Variants in SNX29 observed in about 807,000 individuals in gnomAD.
The protein encoded by SNX29 is sorting nexin 29, also known as sorting nexin-29.
Under a neutral mutation model 102.1 loss-of-function variants are expected in SNX29, and 78 were observed. That is an observed-to-expected ratio of 0.76 (90% CI 0.64 to 0.92). The LOEUF (loss-of-function observed/expected upper bound fraction) is 0.92, where lower values mean the gene tolerates loss of function less well. SNX29 is among the 40% of genes least tolerant of loss of function. SNX29 has a pLI of 0.00. For missense variants in SNX29, 1,280 were observed against 1,061.7 expected (o/e 1.21, Z -2.86); for synonymous variants, 580 against 414.5 (o/e 1.40, Z -4.85).
chr16:12,490,053 A>G (rs1597584837), intron 19 of SNX29, among the ~76,000 whole-genome samples: 1 of 152,042 alleles, frequency 6.6e-6, no homozygotes, highest in Non-Finnish European at 1.5e-5. Context: ...TGATCTGCCC[A>G]CCTCAGCCTC....
intron 14 of SNX29, among the ~76,000 whole-genome samples, chr16:12,239,088 T>G (rs566474715): frequency 5.9e-5 from 9 of 152,302 alleles, no homozygotes; most frequent in African/African-American, 1.9e-4. Flanking sequence ...GGCACCACTT[T>G]GATGGAAGGG....
chr16:12,441,270 G>T (rs11866229), intron 18 of SNX29, among the ~76,000 whole-genome samples: 58,646 of 151,142 alleles, frequency 0.39, 11,435 homozygotes, highest in South Asian at 0.47. Context: ...TTTTATTTTT[G>T]GTAGAGACGG....
At chr16:12,274,666 A>T (rs758446590) in intron 14 of SNX29, among the ~76,000 whole-genome samples, 1 of 151,492 alleles carries the variant, frequency 6.6e-6, no homozygotes. Flanking sequence ...CCTCCCGAGT[A>T]CCTGGGACTA....
At chr16:12,537,980 G>A (rs28644492) in intron 20 of SNX29, among the ~76,000 whole-genome samples, 5,914 of 82,966 alleles carry the variant, frequency 0.071, 382 homozygotes, top group African/African-American at 0.3. Flanking sequence ...GCAAAACTCC[G>A]TTTCAAAAAA....
chr16:12,524,633 G>C, intron 19 of SNX29, 69 bp from the exon 20 acceptor site: 1 of 1,555,138 alleles, frequency 6.4e-7, no homozygotes, highest in South Asian at 1.2e-5. Context: ...GTGATCGCCT[G>C]TTCTATAGGG....
intron 13 of SNX29, among the ~76,000 whole-genome samples, chr16:12,134,783 T>C (rs1041207897): frequency 9.2e-5 from 14 of 152,208 alleles, no homozygotes; most frequent in African/African-American, 3.4e-4. Flanking sequence ...AGGTATCTGC[T>C]TCCTCCTGGG....
intron 8 of SNX29, among the ~76,000 whole-genome samples, chr16:12,057,993 A>C (rs1241726745): frequency 6.6e-6 from 1 of 151,524 alleles, no homozygotes; most frequent in Non-Finnish European, 1.5e-5. Flanking sequence ...AATTTTTTGT[A>C]TTTTTAGTAG....
At chr16:12,328,377 A>G (rs1026245547) in intron 15 of SNX29, among the ~76,000 whole-genome samples, 1 of 152,240 alleles carries the variant, frequency 6.6e-6, no homozygotes, top group African/African-American at 2.4e-5. Flanking sequence ...AGAAGTAAAG[A>G]AAATTCTTCT....
chr16:12,554,494 A>C (rs1262937179), intron 20 of SNX29, among the ~76,000 whole-genome samples: 1 of 152,192 alleles, frequency 6.6e-6, no homozygotes, highest in East Asian at 1.9e-4. Flanking sequence ...GTGGTTTCCA[A>C]GCTTCCTCCG....
intron 13 of SNX29, among the ~76,000 whole-genome samples, chr16:12,191,658 G>A (rs2076646003): frequency 6.6e-6 from 1 of 152,238 alleles, no homozygotes; most frequent in Non-Finnish European, 1.5e-5. Context: ...AGGTGGCGGG[G>A]TTGGAGTTAG....
At chr16:12,209,553 A>G (rs1286427049) in intron 14 of SNX29, among the ~76,000 whole-genome samples, 1 of 152,090 alleles carries the variant, frequency 6.6e-6, no homozygotes, top group African/African-American at 2.4e-5. Flanking sequence ...GAGACCCCTC[A>G]TTTCTGTTTG....
intron 19 of SNX29, among the ~76,000 whole-genome samples, chr16:12,496,405 C>A (rs9806892): frequency 6.6e-6 from 1 of 151,932 alleles, no homozygotes; most frequent in South Asian, 2.1e-4. Context: ...TTCCTCGTTG[C>A]AACCATTGTG....
At chr16:12,007,727 T>G (rs1193754734) in intron 3 of SNX29, among the ~76,000 whole-genome samples, 1 of 152,150 alleles carries the variant, frequency 6.6e-6, no homozygotes, top group Non-Finnish European at 1.5e-5. Context: ...CGCTGCAGCC[T>G]TAGGCTCTTC....
At chr16:12,025,492 A>G (rs1431410572) in intron 3 of SNX29, among the ~76,000 whole-genome samples, 2 of 152,150 alleles carry the variant, frequency 1.3e-5, no homozygotes, top group East Asian at 1.9e-4. Context: ...AACACACATT[A>G]TATACCAGGT....
intron 15 of SNX29, among the ~76,000 whole-genome samples, chr16:12,278,470 A>C: frequency 6.6e-6 from 1 of 152,006 alleles, no homozygotes; most frequent in South Asian, 2.1e-4. Context: ...CCCTCAAAAG[A>C]AAAGAAAAAA....
intron 15 of SNX29, among the ~76,000 whole-genome samples, chr16:12,294,189 C>G (rs992153879): frequency 3.9e-5 from 6 of 152,234 alleles, no homozygotes; most frequent in African/African-American, 1.2e-4. Flanking sequence ...ATGTCTGCGT[C>G]TATGGCCTGG....
At chr16:12,400,493 A>G (rs2151500145) in intron 17 of SNX29, among the ~76,000 whole-genome samples, 1 of 152,292 alleles carries the variant, frequency 6.6e-6, no homozygotes, top group Non-Finnish European at 1.5e-5. Context: ...AGTGCTCTCC[A>G]CAAATGCTTA....
In SNX29 at chr16:12,205,394, C is replaced by G. The variant is rs141782554; in HGVS notation, c.1678+5711C>G. 4.6e-4 allele frequency among the ~76,000 whole-genome samples: 70 copies of G among 152,292 alleles called. 1 individual carries two copies. The Middle Eastern group carries it at 0.017, about 37-fold the overall frequency. On this transcript the variant is annotated intron_variant, in intron 14 of 20. Coordinates refer to ENST00000566228, the MANE Select transcript of SNX29 (RefSeq NM_032167.5). ...ATAAATCCCGTCACTCTGCTGTTTA[C>G]CGTTCATGGTTTTCCAGTCCTGACT... is the stretch of plus-strand genomic sequence containing the variant.
chr16:12,470,752 T>C (rs1038659319), intron 18 of SNX29, among the ~76,000 whole-genome samples: 2 of 152,246 alleles, frequency 1.3e-5, no homozygotes, highest in Admixed American at 1.3e-4. Context: ...CCTGCTTTAA[T>C]TTCATGATTG....
Sources: gnomAD v4.1 joint callset for allele counts (sites outside exome capture counted in the v4.1 genomes callset) on GRCh38, gnomAD v4.1.1 for gene constraint, MANE v1.5 for transcripts, NCBI Gene and HGNC (gene_info 2026-07-23, HGNC 2026-07-21) for gene names.